The following FLCN variants were observed in gnomAD, a reference collection of about 807,000 sequenced individuals.
FLCN encodes the protein folliculin.
Under a neutral mutation model 62.5 loss-of-function variants are expected in FLCN, and 22 were observed. That is an observed-to-expected ratio of 0.35 (90% CI 0.25 to 0.50). The LOEUF is 0.50. FLCN is among the 20% of genes least tolerant of loss of function. The pLI, the probability that FLCN is intolerant of heterozygous loss-of-function variation, is 0.97. For synonymous variants in FLCN, 319 were observed against 310.0 expected, an observed-to-expected ratio of 1.03 and a Z score of -0.30; for missense variants, 657 against 778.0, an observed-to-expected ratio of 0.84 and a Z score of 1.85.
upstream of FLCN, chr17:17,237,302 T>C (rs778728951): frequency 1.3e-5 from 2 of 152,170 alleles, no homozygotes; most frequent in African/African-American, 4.8e-5. Context: ...AGGAACACAG[T>C]CCGAGTCCTA....
intron 11 of FLCN, 140 bp from the exon 12 acceptor site, chr17:17,215,456 C>T: frequency 7.5e-7 from 1 of 1,335,924 alleles, no homozygotes; most frequent in Non-Finnish European, 1.1e-6. Flanking sequence ...CAAATCAATG[C>T]TTTGGTATTT....
chr17:17,228,404 C>T lies in FLCN; in HGVS notation c.-24-243G>A, dbSNP rs75336342. 6,365 of 499,506 alleles carry T rather than the reference C, an allele frequency of 0.013. 55 individuals carry two copies. Among genetic ancestry groups the T allele is most frequent in the Non-Finnish European group, 0.017 (4,727 of 275,438 alleles). 30.9% of individuals were successfully genotyped at this position (499,506 alleles called of 1,614,324 possible). On this transcript the variant is annotated intron_variant, in intron 3 of 13. Transcript: ENST00000285071. ...GGGACAATGTGGACCAATGATAGCA[C>T]AGCTGGAGCTGTGACAGAGCCACAG... is the stretch of plus-strand genomic sequence containing the variant.
Position 17,212,628 on chromosome 17 carries a change from A to T in FLCN, c.*1027T>A, listed in dbSNP as rs879377193. The T allele has an allele frequency of 1.1e-5, 2 of 177,968 alleles. No homozygotes were observed. The highest frequency in any genetic ancestry group is 2.4e-5 in the Non-Finnish European group (2 of 82,956). The allele number at this position is 177,968 out of a possible 1,614,324, so 11.0% of individuals were successfully genotyped here. On this transcript the variant is annotated 3_prime_UTR_variant, in exon 14 of 14. Transcript: ENST00000285071. Reference sequence around the variant, plus strand: ...GGTGAAACCCCGTCTCTACTAAAAAATACAAAAATTAGCTGGGCATAGTGG... The same window carrying T: ...GGTGAAACCCCGTCTCTACTAAAAATTACAAAAATTAGCTGGGCATAGTGG...
In FLCN at chr17:17,224,122, G is replaced by T. The variant is rs1272462864; in HGVS notation, c.418C>A (p.Pro140Thr). 1.9e-6 allele frequency: 3 copies of T among 1,596,578 alleles called. No individual in the cohort carries two copies. The highest frequency in any genetic ancestry group is 1.1e-5 in the South Asian group (1 of 88,820). The stretch of plus-strand genomic sequence containing the variant: ...TGCTGCTCATCTCCGAAGAAGATGG[G>T]GCCTTCACGGCCAGGGCAGACCTGG... ...SCEVCPGREG[P>T]IFFGDEQHGF... is the part of the protein sequence containing the mutation. The change falls in exon 6 of 14, where the codon CCC (proline) becomes ACC (threonine). Residue 140 changes from proline to threonine, a missense_variant. By Grantham distance (38) the Pro-to-Thr change is conservative. Transcript: ENST00000285071.
chr17:17,232,228 G>A (rs2047443040), intron 2 of FLCN, among the ~76,000 whole-genome samples: 1 of 152,188 alleles, frequency 6.6e-6, no homozygotes, highest in Admixed American at 6.5e-5. Context: ...TTGCTCCCCT[G>A]CTCAGAGTAC....
In FLCN at chr17:17,216,904, T is replaced by A. The variant is rs2046941971; in HGVS notation, c.1176+165A>T. ...CATCCTTCTGATGATTTAAACATCA[T>A]CAGACCAGACCCGGGTCTCCGTGCC... On this transcript the variant is annotated intron_variant, in intron 10 of 13. Coordinates refer to ENST00000285071, the MANE Select transcript of FLCN (RefSeq NM_144997.7). This position sits in a 1 kb window ranked among gnomAD's most constrained non-coding sequence, Gnocchi z 4.0. The A allele has an allele frequency of 1.5e-6, 1 of 685,148 alleles. No homozygotes were observed. Among genetic ancestry groups the A allele is most frequent in the Non-Finnish European group, 2.7e-6 (1 of 376,942 alleles). The allele number at this position is 685,148 out of a possible 1,614,324, so 42.4% of individuals were successfully genotyped here. A position where few individuals can be genotyped will look rare whatever the true frequency, so the allele number is the denominator to read the frequency against.
intron 1 of FLCN, among the ~76,000 whole-genome samples, chr17:17,234,582 G>A (rs1339100155): frequency 6.6e-6 from 1 of 151,066 alleles, no homozygotes; most frequent in East Asian, 2.0e-4. Context: ...AGTGGCTTAA[G>A]CCTGTAATCC....
At position 17,213,745 on chromosome 17, in the gene FLCN, C is replaced by A. The variant is rs1301146444; in HGVS notation, c.1650G>T (p.Leu550=). The change falls in exon 14 of 14, where the codon CTG becomes CTT. Residue 550 remains leucine (L), a synonymous_variant. Transcript: ENST00000285071. ...GASEEDNVKL[L]KFWMTGLSKT... ...TGCTCAGGCCAGTCATCCAGAACTT[C>A]AGCAGCTTGACATTGTCCTCCTCGG... 1 of 1,614,238 alleles carries A rather than the reference C, an allele frequency of 6.2e-7. No individual in the cohort carries two copies. The highest frequency in any genetic ancestry group is 2.2e-5 in the East Asian group (1 of 44,888).
rs760079073 is a variant in FLCN at position 17,216,481 on chromosome 17, A to G, written c.1199T>C (p.Val400Ala). Residue 400 changes from valine to alanine, a missense_variant, in exon 11 of 14, where the codon GTC (valine) becomes GCC (alanine). Coordinates refer to ENST00000285071, the MANE Select transcript of FLCN (RefSeq NM_144997.7). This position sits in a 1 kb window ranked among gnomAD's most constrained non-coding sequence, Gnocchi z 4.0. ...VLRTMLPVGC[V>A]RIIPYSSQYE... ...CTGGCTGCTGTATGGGATGATGCGG[A>G]CGCAGCCCACGGGAAGCATGGTCTG... The G allele has an allele frequency of 4.3e-5, 70 of 1,613,682 alleles. No homozygotes were observed. Among genetic ancestry groups the G allele is most frequent in the Non-Finnish European group, 5.5e-5 (65 of 1,179,908 alleles).
intron 8 of FLCN, 188 bp downstream of exon 8, chr17:17,221,349 C>A (rs771087637): frequency 5.7e-6 from 9 of 1,583,332 alleles, no homozygotes; most frequent in Middle Eastern, 1.7e-4. Flanking sequence ...TCAAGGCAAA[C>A]GAGACAGGAA....
chr17:17,216,435 G>T lies in FLCN; in HGVS notation c.1245C>A (p.Cys415Ter), dbSNP rs748148728. 1 of 1,613,848 alleles carries T rather than the reference G, an allele frequency of 6.2e-7. No individual in the cohort carries two copies. Among genetic ancestry groups the T allele is most frequent in the Non-Finnish European group, 8.5e-7 (1 of 1,179,848 alleles). Residue 415 changes from cysteine (C) to a stop codon, truncating the protein, a stop_gained, in exon 11 of 14, where the codon TGC becomes TGA. Transcript: ENST00000285071. LOFTEE classifies it high-confidence loss of function. This position sits in a 1 kb window ranked among gnomAD's most constrained non-coding sequence, Gnocchi z 4.0. ...CGTGCGGGCTGAGCCCCAGGAAGTT[G>T]CACCGATAGGCCTCCTCGTACTGGC... ...YSSQYEEAYR[C>*]NFLGLSPHVQ...
At position 17,232,787 on chromosome 17, in the gene FLCN, C is replaced by G. The variant is rs915046496; in HGVS notation, c.-114+1G>C. 2 of 152,730 alleles carry G rather than the reference C, an allele frequency of 1.3e-5. No individual in the cohort carries two copies. The highest frequency in any genetic ancestry group is 1.3e-4 in the Admixed American group (2 of 15,270). 9.5% of individuals were successfully genotyped at this position (152,730 alleles called of 1,614,324 possible). On this transcript the variant is annotated splice_donor_variant, in intron 2 of 13. Coordinates refer to ENST00000285071, the MANE Select transcript of FLCN (RefSeq NM_144997.7). LOFTEE classifies it low-confidence loss of function (5UTR_SPLICE). ...CCCACCTGCAGAGCACCCACACTAA[C>G]CTGACACTCAGCAGAATCACGCTTC...
In FLCN at chr17:17,216,193, T is replaced by G. The variant is rs1438752028; in HGVS notation, c.1300+187A>C. ...CAGTCCCTGCCAGCCAACCTTCCCA[T>G]CAGGTCCACTCACCCACCGCTACCT... On this transcript the variant is annotated intron_variant, in intron 11 of 13. Coordinates refer to ENST00000285071, the MANE Select transcript of FLCN (RefSeq NM_144997.7). The surrounding 1 kb of genome is among the most constrained non-coding windows in gnomAD (Gnocchi z 4.0). Among the ~76,000 whole-genome samples the G allele has an allele frequency of 6.6e-6, 1 of 152,082 alleles. No homozygotes were observed. Among genetic ancestry groups the G allele is most frequent in the Non-Finnish European group, 1.5e-5 (1 of 68,012 alleles).
At chr17:17,217,319 G>C (rs1213111375) in intron 9 of FLCN, 137 bp from the exon 10 acceptor site, 2 of 724,230 alleles carry the variant, frequency 2.8e-6, no homozygotes, top group Non-Finnish European at 4.9e-6. Flanking sequence ...TATCTTCTCA[G>C]GGAGGCGGGT....
At chr17:17,226,422 T>C in intron 4 of FLCN, 100 bp from the exon 5 acceptor site, 5 of 1,450,618 alleles carry the variant, frequency 3.4e-6, no homozygotes, top group Non-Finnish European at 4.8e-6. Context: ...CAAGCTATTT[T>C]TGTAAAAAAA....
In FLCN at chr17:17,216,404, T is replaced by A. The variant is rs1296086439; in HGVS notation, c.1276A>T (p.Ile426Phe). The A allele has an allele frequency of 2.5e-6, 4 of 1,613,496 alleles. No individual in the cohort carries two copies. In the East Asian group the frequency reaches 6.7e-5, roughly 27 times the overall value. The change falls in exon 11 of 14, where the codon ATC becomes TTC. Residue 426 changes from isoleucine to phenylalanine, a missense_variant. Coordinates refer to ENST00000285071, the MANE Select transcript of FLCN (RefSeq NM_144997.7). The surrounding 1 kb of genome is among the most constrained non-coding windows in gnomAD (Gnocchi z 4.0). ...NFLGLSPHVQ[I>F]PPHVLSSEFA... ...CCTGAGGAGAGCACGTGGGGGGGGA[T>A]CTGCACGTGCGGGCTGAGCCCCAGG...
chr17:17,236,718 G>A (rs2047591196), intron 1 of FLCN, among the ~76,000 whole-genome samples, 194 bp downstream of exon 1: 1 of 152,132 alleles, frequency 6.6e-6, no homozygotes, highest in African/African-American at 2.4e-5. Flanking sequence ...CCCGTTTCAT[G>A]GCAACATCAA....
At chr17:17,224,249 G>A (rs2047185783) in intron 5 of FLCN, 106 bp from the exon 6 acceptor site, 11 of 1,033,816 alleles carry the variant, frequency 1.1e-5, no homozygotes, top group Admixed American at 6.0e-5. Flanking sequence ...ATCAGCCAGC[G>A]TTAATAACGG....
In FLCN at chr17:17,228,160, G is replaced by A. The variant is rs1402546181; in HGVS notation, c.-23C>T. On this transcript the variant is annotated splice_region_variant and 5_prime_UTR_variant, in exon 4 of 14. Coordinates refer to ENST00000285071, the MANE Select transcript of FLCN (RefSeq NM_144997.7). ...CATGGTGCCTTGGAGACTGCAACAG[G>A]CCTGCGTGGGACAGGGGACATGTCA... The A allele has an allele frequency of 6.2e-7, 1 of 1,610,084 alleles. No individual in the cohort carries two copies. The highest frequency in any genetic ancestry group is 1.3e-5 in the African/African-American group (1 of 75,026).
Sources: allele counts gnomAD v4.1 joint callset (sites outside exome capture counted in the v4.1 genomes callset), GRCh38; gene constraint gnomAD v4.1.1; non-coding constraint Gnocchi (gnomAD v3.1); transcripts MANE v1.5; gene names NCBI Gene and HGNC (gene_info 2026-07-23, HGNC 2026-07-21).